Variants in CAMKMT observed in about 807,000 individuals in gnomAD.
The protein encoded by CAMKMT is CaM KMT.
In CAMKMT, 53 loss-of-function variants were observed where a neutral mutation model predicts 48.0. The observed-to-expected ratio is 1.10, with a 90% CI of 0.89 to 1.39. CAMKMT has a LOEUF of 1.39. Among genes scored for constraint, CAMKMT ranks in the 40% most tolerant of loss-of-function variants. The pLI is 0.00. For missense variants in CAMKMT, 428 were observed against 402.7 expected, an observed-to-expected ratio of 1.06 and a Z score of -0.54; for synonymous variants, 165 against 152.3, an observed-to-expected ratio of 1.08 and a Z score of -0.61.
intron 3 of CAMKMT, among the ~76,000 whole-genome samples, chr2:44,461,616 C>T (rs1055928620): frequency 6.6e-6 from 1 of 152,178 alleles, no homozygotes; most frequent in African/African-American, 2.4e-5. Flanking sequence ...GCACTTAGCA[C>T]TGAACCTGGG....
intron 3 of CAMKMT, among the ~76,000 whole-genome samples, chr2:44,662,358 T>G (rs1674727588): frequency 6.6e-6 from 1 of 152,222 alleles, no homozygotes; most frequent in South Asian, 2.1e-4. Context: ...GCTTTCTTAC[T>G]GCCATTGTCT....
chr2:44,482,999 G>A (rs1413161127), intron 3 of CAMKMT, among the ~76,000 whole-genome samples: 1 of 152,112 alleles, frequency 6.6e-6, no homozygotes, highest in African/African-American at 2.4e-5. Flanking sequence ...GAATCATGAT[G>A]CCAATGCTGT....
At chr2:44,440,841 C>A (rs1666611201) in intron 3 of CAMKMT, among the ~76,000 whole-genome samples, 1 of 151,866 alleles carries the variant, frequency 6.6e-6, no homozygotes, top group South Asian at 2.1e-4. Context: ...TTTTATTATC[C>A]ATTTTTAATA....
chr2:44,701,389 C>G (rs911189149), intron 3 of CAMKMT, among the ~76,000 whole-genome samples: 2 of 152,094 alleles, frequency 1.3e-5, no homozygotes, highest in Non-Finnish European at 2.9e-5. Context: ...CTTTTAAAAA[C>G]TTAGATTAGC....
At chr2:44,598,175 T>C (rs1670778393) in intron 3 of CAMKMT, among the ~76,000 whole-genome samples, 1 of 152,106 alleles carries the variant, frequency 6.6e-6, no homozygotes, top group Admixed American at 6.5e-5. Flanking sequence ...ATGAAAATAT[T>C]ACTGTTCATA....
At chr2:44,371,418 C>G (rs1679171106) in intron 1 of CAMKMT, among the ~76,000 whole-genome samples, 1 of 152,166 alleles carries the variant, frequency 6.6e-6, no homozygotes, top group South Asian at 2.1e-4. Flanking sequence ...TGCACCTGGC[C>G]TATAGTTTTT....
chr2:44,581,193 T>C (rs914111291), intron 3 of CAMKMT, among the ~76,000 whole-genome samples: 15 of 152,190 alleles, frequency 9.9e-5, no homozygotes, highest in Middle Eastern at 3.2e-3. Flanking sequence ...ATTTGTCTCT[T>C]TGTAAGAATG....
At chr2:44,373,929 G>A (rs1173239390) in intron 2 of CAMKMT, among the ~76,000 whole-genome samples, 1 of 150,572 alleles carries the variant, frequency 6.6e-6, no homozygotes, top group African/African-American at 2.4e-5. Flanking sequence ...TTCAAGACCA[G>A]CCTGGGCAAC....
Position 44,772,340 on chromosome 2 carries a change from C to A in CAMKMT, c.*227C>A. ...GCTTGTTGCTCGTCCTGCCCTAAAC[C>A]TTTGTTTGTCTTTAAATGTGTATAA... On this transcript the variant is annotated 3_prime_UTR_variant, in exon 11 of 11. Transcript: ENST00000378494. 2.3e-6 allele frequency: 1 copy of A among 427,012 alleles called. No homozygotes were observed. Among genetic ancestry groups the A allele is most frequent in the Non-Finnish European group, 4.2e-6 (1 of 239,966 alleles). The allele number at this position is 427,012 out of a possible 1,614,324, so 26.5% of individuals were successfully genotyped here.
intron 7 of CAMKMT, among the ~76,000 whole-genome samples, chr2:44,739,052 G>A (rs1260339151): frequency 6.6e-6 from 1 of 152,202 alleles, no homozygotes; most frequent in African/African-American, 2.4e-5. Context: ...AATAGTAGAT[G>A]AGGACAGAGT....
intron 3 of CAMKMT, among the ~76,000 whole-genome samples, chr2:44,508,995 C>T (rs1292357335): frequency 2.6e-5 from 4 of 151,364 alleles, no homozygotes; most frequent in Non-Finnish European, 4.4e-5. Flanking sequence ...ACTCGGGAGG[C>T]TGAGACAGGA....
intron 3 of CAMKMT, among the ~76,000 whole-genome samples, chr2:44,396,184 T>C (rs1453796174): frequency 2.0e-5 from 3 of 152,244 alleles, no homozygotes; most frequent in African/African-American, 4.8e-5. Flanking sequence ...AGATGAATAA[T>C]TTTAATATAT....
At chr2:44,600,493 T>G (rs1293063357) in intron 3 of CAMKMT, among the ~76,000 whole-genome samples, 4 of 152,066 alleles carry the variant, frequency 2.6e-5, no homozygotes, top group Non-Finnish European at 5.9e-5. Context: ...GGTTTCAAAC[T>G]CCTGGGCTCA....
At chr2:44,434,131 G>T (rs1317782964) in intron 3 of CAMKMT, among the ~76,000 whole-genome samples, 7 of 152,100 alleles carry the variant, frequency 4.6e-5, no homozygotes, top group African/African-American at 1.7e-4. Context: ...ACAGAAGGAT[G>T]GTAGTCTAGG....
intron 3 of CAMKMT, among the ~76,000 whole-genome samples, chr2:44,586,951 C>G (rs1339175300): frequency 6.8e-6 from 1 of 148,054 alleles, no homozygotes; most frequent in East Asian, 2.0e-4. Flanking sequence ...GGTCTGTCAA[C>G]ACTTGGTTGG....
intron 3 of CAMKMT, among the ~76,000 whole-genome samples, chr2:44,482,876 C>T (rs1669040872): frequency 6.6e-6 from 1 of 152,104 alleles, no homozygotes; most frequent in Admixed American, 6.6e-5. Flanking sequence ...CCATTGTCTT[C>T]ATGTGCATCT....
intron 3 of CAMKMT, among the ~76,000 whole-genome samples, chr2:44,553,042 C>T (rs1197460455): frequency 2.0e-5 from 3 of 152,156 alleles, no homozygotes; most frequent in Non-Finnish European, 4.4e-5. Context: ...TCAGAATGCT[C>T]CCTTGTCACA....
At chr2:44,622,186 C>T (rs954897184) in intron 3 of CAMKMT, among the ~76,000 whole-genome samples, 1 of 152,106 alleles carries the variant, frequency 6.6e-6, no homozygotes, top group African/African-American at 2.4e-5. Context: ...TCAAAAATGG[C>T]CTTGGCTTCT....
At chr2:44,631,118 A>G (rs921820662) in intron 3 of CAMKMT, among the ~76,000 whole-genome samples, 7 of 152,216 alleles carry the variant, frequency 4.6e-5, no homozygotes, top group Non-Finnish European at 1.0e-4. Context: ...AAAGTTGGAA[A>G]TCATCATTCT....
Sources: gnomAD v4.1 joint callset for allele counts (sites outside exome capture counted in the v4.1 genomes callset) on GRCh38, gnomAD v4.1.1 for gene constraint, MANE v1.5 for transcripts, NCBI Gene and HGNC (gene_info 2026-07-23, HGNC 2026-07-21) for gene names.